Variants in GALNT1 observed in about 807,000 individuals in gnomAD.
The protein encoded by GALNT1 is polypeptide N-acetylgalactosaminyltransferase 1, also known as GalNAc transferase 1.
GALNT1 carries 17 observed loss-of-function variants against 65.7 expected under a neutral mutation model. The ratio of observed to expected loss-of-function variants is 0.26; its 90% confidence interval spans 0.18 to 0.39. The LOEUF (loss-of-function observed/expected upper bound fraction) is 0.39. Ranked by LOEUF, GALNT1 falls within the 10% of genes least tolerant of loss-of-function variation. The pLI is 1.00. For missense variants in GALNT1, 460 were observed against 672.8 expected (o/e 0.68, Z 3.50); for synonymous variants, 210 against 219.7 (o/e 0.96, Z 0.39).
chr18:35,636,787 T>G (rs1323088089), intron 1 of GALNT1, among the ~76,000 whole-genome samples: 3 of 144,456 alleles, frequency 2.1e-5, no homozygotes, highest in Non-Finnish European at 3.0e-5. Flanking sequence ...TACTTTGTTT[T>G]TTTTTTTTTT....
At chr18:35,634,157 G>A (rs2047059239) in intron 1 of GALNT1, among the ~76,000 whole-genome samples, 1 of 152,160 alleles carries the variant, frequency 6.6e-6, no homozygotes, top group South Asian at 2.1e-4. Context: ...ATGTATGAGT[G>A]TGTTGTTCAT....
chr18:35,691,199 G>A lies in GALNT1; in HGVS notation c.1159+7G>A, dbSNP rs761040481. 96 of 1,590,932 alleles carry A rather than the reference G, an allele frequency of 6.0e-5. No individual in the cohort carries two copies. The Middle Eastern group carries it at 6.7e-4, about 11-fold the overall frequency. ...TTCTATATAATTTCTCCAGGTTAGC[G>A]TTGTTTTGCATTAGAAATACAAGGC... On this transcript the variant is annotated splice_region_variant and intron_variant, in intron 8 of 11. Coordinates refer to ENST00000269195, the MANE Select transcript of GALNT1 (RefSeq NM_020474.4).
intron 1 of GALNT1, among the ~76,000 whole-genome samples, chr18:35,582,710 G>T (rs1345300885): frequency 6.6e-6 from 1 of 152,152 alleles, no homozygotes; most frequent in Non-Finnish European, 1.5e-5. Flanking sequence ...TGTCAAGAAC[G>T]CTGAGAGTTA....
chr18:35,636,563 T>C (rs577837137), intron 1 of GALNT1, among the ~76,000 whole-genome samples: 2 of 152,360 alleles, frequency 1.3e-5, no homozygotes, highest in East Asian at 3.9e-4. Flanking sequence ...TATTTCTCTT[T>C]GGAATGTGAA....
chr18:35,662,220 T>C (rs1450977733), intron 2 of GALNT1, among the ~76,000 whole-genome samples: 1 of 152,214 alleles, frequency 6.6e-6, no homozygotes, highest in Non-Finnish European at 1.5e-5. Flanking sequence ...TTAAAAACTC[T>C]ACCAACTCTC....
intron 1 of GALNT1, among the ~76,000 whole-genome samples, chr18:35,585,979 A>G (rs2046373932): frequency 6.6e-6 from 1 of 152,208 alleles, no homozygotes; most frequent in Admixed American, 6.5e-5. Context: ...TCTGGGATAT[A>G]TGCCCAGGAG....
intron 1 of GALNT1, among the ~76,000 whole-genome samples, chr18:35,620,850 C>CT (rs1368942838): frequency 6.7e-6 from 1 of 150,224 alleles, no homozygotes; most frequent in African/African-American, 2.5e-5. Flanking sequence ...GTAAGAGTTT[C>CT]TCCAGGGACT....
chr18:35,603,889 T>C (rs1036656079), intron 1 of GALNT1, among the ~76,000 whole-genome samples: 2 of 152,196 alleles, frequency 1.3e-5, no homozygotes, highest in Non-Finnish European at 2.9e-5. Context: ...TAATGCAGAA[T>C]TAGAATGTAA....
chr18:35,691,034 T>G lies in GALNT1; in HGVS notation c.1001T>G (p.Leu334Trp), dbSNP rs2047953127. Residue 334 changes from leucine (L) to tryptophan (W), a missense_variant, in exon 8 of 12, where the codon TTG (leucine) becomes TGG (tryptophan). Transcript: ENST00000269195. ...SFRIWQCGGTLEIVTCSHVGH... is the reference protein window; with the variant it reads ...SFRIWQCGGTWEIVTCSHVGH... ...CAGATTTGGCAGTGTGGAGGAACTT[T>G]GGAAATTGTTACATGCTCACATGTT... 6.2e-7 allele frequency: 1 copy of G among 1,603,490 alleles called. No individual in the cohort carries two copies. Among genetic ancestry groups the G allele is most frequent in the Admixed American group, 1.7e-5 (1 of 57,558 alleles).
intron 1 of GALNT1, among the ~76,000 whole-genome samples, chr18:35,609,446 T>C (rs1405687466): frequency 6.6e-6 from 1 of 152,216 alleles, no homozygotes; most frequent in African/African-American, 2.4e-5. Context: ...GTGTTTGCTC[T>C]TGGATAATTT....
chr18:35,687,842 C>T (rs1239788425), intron 6 of GALNT1, among the ~76,000 whole-genome samples: 1 of 152,050 alleles, frequency 6.6e-6, no homozygotes, highest in Non-Finnish European at 1.5e-5. Flanking sequence ...TTGTACCGAC[C>T]TGCTACTTCT....
At chr18:35,622,437 A>T (rs1362914479) in intron 1 of GALNT1, among the ~76,000 whole-genome samples, 3 of 152,052 alleles carry the variant, frequency 2.0e-5, no homozygotes, top group Admixed American at 2.0e-4. Flanking sequence ...TTTTTTGTAG[A>T]GACAGGGTCT....
At chr18:35,643,899 G>A (rs571267771) in intron 1 of GALNT1, among the ~76,000 whole-genome samples, 4 of 152,016 alleles carry the variant, frequency 2.6e-5, no homozygotes, top group Non-Finnish European at 4.4e-5. Context: ...TAGGGAGTTT[G>A]TATCTTTTGC....
At chr18:35,691,279 C>T (rs2047958055) in intron 8 of GALNT1, 87 bp downstream of exon 8, 2 of 1,218,366 alleles carry the variant, frequency 1.6e-6, no homozygotes, top group Non-Finnish European at 2.3e-6. Context: ...AGAAGTGAAG[C>T]TTTGAGCAGA....
chr18:35,692,806 G>A (rs1033469858), intron 9 of GALNT1, among the ~76,000 whole-genome samples: 1 of 152,142 alleles, frequency 6.6e-6, no homozygotes, highest in African/African-American at 2.4e-5. Flanking sequence ...ATAAGTCACA[G>A]CAGCAAATGA....
At chr18:35,599,759 C>T (rs1225750599) in intron 1 of GALNT1, among the ~76,000 whole-genome samples, 2 of 152,112 alleles carry the variant, frequency 1.3e-5, no homozygotes, top group Non-Finnish European at 2.9e-5. Flanking sequence ...TATAGTTTTC[C>T]CAGCTGGATT....
chr18:35,582,678 T>TTA (rs1294923645), intron 1 of GALNT1, among the ~76,000 whole-genome samples: 1 of 152,228 alleles, frequency 6.6e-6, no homozygotes, highest in African/African-American at 2.4e-5. Context: ...TATCTTATGT[T>TTA]TAATACATTG....
intron 1 of GALNT1, among the ~76,000 whole-genome samples, chr18:35,592,515 G>A (rs2046457741): frequency 6.6e-6 from 1 of 152,158 alleles, no homozygotes; most frequent in Admixed American, 6.5e-5. Context: ...TTGGTGCAAG[G>A]GATGGGGGTG....
chr18:35,669,997 A>C (rs1236665974), intron 3 of GALNT1, among the ~76,000 whole-genome samples: 1 of 152,214 alleles, frequency 6.6e-6, no homozygotes, highest in Non-Finnish European at 1.5e-5. Context: ...TAGAATAAAA[A>C]AGTGTTTAGA....
Sources: gnomAD v4.1 joint callset for allele counts (sites outside exome capture counted in the v4.1 genomes callset) on GRCh38, gnomAD v4.1.1 for gene constraint, MANE v1.5 for transcripts, NCBI Gene and HGNC (gene_info 2026-07-23, HGNC 2026-07-21) for gene names.